Variants in SRRM4 observed in about 807,000 individuals in gnomAD.
SRRM4 encodes serine/arginine repetitive matrix 4.
Under a neutral mutation model 68.9 loss-of-function variants are expected in SRRM4, and 33 were observed. The observed-to-expected ratio is 0.48, with a 90% CI of 0.36 to 0.64. The LOEUF (loss-of-function observed/expected upper bound fraction) is 0.64. SRRM4 is among the 30% of genes least tolerant of loss of function. The pLI, the probability that SRRM4 is intolerant of heterozygous loss-of-function variation, is 0.00. For missense variants in SRRM4, 817 were observed against 827.1 expected, an observed-to-expected ratio of 0.99 and a Z score of 0.15; for synonymous variants, 318 against 318.8, an observed-to-expected ratio of 1.00 and a Z score of 0.03.
chr12:119,000,041 TG>T (rs1180954586), intron 1 of SRRM4, among the ~76,000 whole-genome samples: 1 of 152,214 alleles, frequency 6.6e-6, no homozygotes, highest in East Asian at 1.9e-4. Flanking sequence ...TGACACATGA[TG>T]TTTTGTATTT....
rs147943478 is a variant in SRRM4 at position 119,136,149 on chromosome 12, G to A, written c.771+5315G>A. On this transcript the variant is annotated intron_variant, in intron 8 of 12. Coordinates refer to ENST00000267260, the MANE Select transcript of SRRM4 (RefSeq NM_194286.4). ...AATAAACCCAGATATGATGTTCTCG[G>A]AGTATCTTTAGCCTCAAAAAGCTGA... Among the ~76,000 whole-genome samples the A allele has an allele frequency of 7.6e-3, 1,157 of 152,262 alleles. 7 individuals carry two copies. Among genetic ancestry groups the A allele is most frequent in the Non-Finnish European group, 0.012 (844 of 68,024 alleles).
In SRRM4 at chr12:118,992,443, T is replaced by C. The variant is rs76956716; in HGVS notation, c.131+10430T>C. ...GTGCCTAGCAGAGCAGGTGAGCAGC[T>C]CTGGGTGTTTCTGGAATCAGATTTC... On this transcript the variant is annotated intron_variant, in intron 1 of 12. Coordinates refer to ENST00000267260, the MANE Select transcript of SRRM4 (RefSeq NM_194286.4). Among the ~76,000 whole-genome samples, 1,296 of 152,294 alleles carry C rather than the reference T, an allele frequency of 8.5e-3. 16 individuals are homozygous for C. The highest frequency in any genetic ancestry group is 0.029 in the African/African-American group (1,225 of 41,562).
At position 119,160,354 on chromosome 12, in the gene SRRM4, C is replaced by CT. The variant is rs1196355563; in HGVS notation, c.*3563dup. 1 of 148,892 alleles carries CT rather than the reference C, an allele frequency of 6.7e-6. No individual in the cohort carries two copies. The highest frequency in any genetic ancestry group is 2.2e-4 in the South Asian group (1 of 4,604). The allele number at this position is 148,892 out of a possible 1,614,324, so 9.2% of individuals were successfully genotyped here. A position where few individuals can be genotyped will look rare whatever the true frequency, so the allele number is the denominator to read the frequency against. On this transcript the variant is annotated 3_prime_UTR_variant, in exon 13 of 13. Coordinates refer to ENST00000267260, the MANE Select transcript of SRRM4 (RefSeq NM_194286.4). ...ATTTCTCTACTTTCTTTTACATTTC[C>CT]TTTTTTTCTATCCAAAAACAATGTG... is the stretch of plus-strand genomic sequence containing the variant.
rs1592908314 is a variant in SRRM4 at position 119,125,460 on chromosome 12, C to T, written c.595C>T (p.Pro199Ser). 1 of 1,607,314 alleles carries T rather than the reference C, an allele frequency of 6.2e-7. No individual in the cohort carries two copies. ...PSRSQSSESR[P>S]SSCESRHRGR... ...GCGGTCCCAGAGCTCGGAGTCCCGC[C>T]CCTCAAGCTGTGAGAGCAGGTAACC... The change falls in exon 7 of 13, where the codon CCC becomes TCC. Residue 199 changes from proline to serine, a missense_variant. Transcript: ENST00000267260.
chr12:119,145,747 C>A lies in SRRM4; in HGVS notation c.1076+62C>A, dbSNP rs1274143181. The A allele has an allele frequency of 7.4e-6, 10 of 1,349,044 alleles. No homozygotes were observed. The Admixed American group carries it at 1.9e-4, about 26-fold the overall frequency. The allele number at this position is 1,349,044 out of a possible 1,614,324, so 83.6% of individuals were successfully genotyped here. On this transcript the variant is annotated intron_variant, in intron 9 of 12. Transcript: ENST00000267260. The stretch of plus-strand genomic sequence containing the variant: ...CCCACCTTAGCTCCACCTTCTCATG[C>A]TCTCATCCCAGCCTCCCCCACTCCA...
intron 1 of SRRM4, among the ~76,000 whole-genome samples, chr12:119,019,506 T>A (rs1953501356): frequency 6.6e-6 from 1 of 152,154 alleles, no homozygotes; most frequent in Non-Finnish European, 1.5e-5. Context: ...TTGTTTTAAT[T>A]TTTTGCTCTC....
At chr12:119,060,075 A>G (rs1953801302) in intron 1 of SRRM4, among the ~76,000 whole-genome samples, 1 of 152,072 alleles carries the variant, frequency 6.6e-6, no homozygotes, top group African/African-American at 2.4e-5. Flanking sequence ...GACTTTGTGT[A>G]GATTTAACCC....
At chr12:119,124,331 G>C (rs1017967433) in intron 6 of SRRM4, 2 of 152,246 alleles carry the variant, frequency 1.3e-5, no homozygotes, top group African/African-American at 2.4e-5. Context: ...CAGAGAACTA[G>C]GCAAGGGCTA....
chr12:119,153,561 T>C lies in SRRM4; in HGVS notation c.1303T>C (p.Tyr435His), dbSNP rs1038604427. Residue 435 changes from tyrosine to histidine, a missense_variant, in exon 11 of 13, where the codon TAT (tyrosine) becomes CAT (histidine). Tyr to His is a moderately conservative substitution (Grantham distance 83, BLOSUM62 2). Coordinates refer to ENST00000267260, the MANE Select transcript of SRRM4 (RefSeq NM_194286.4). Reference protein sequence around the residue: ...EKRSYSRSPSYSSKSGKRSPP... With the variant: ...EKRSYSRSPSHSSKSGKRSPP... ...CAGGTCCTACTCCCGCTCTCCCAGC[T>C]ATTCCTCCAAGTCTGGCAAGAGGAG... is the stretch of plus-strand genomic sequence containing the variant. 7.6e-6 allele frequency: 12 copies of C among 1,574,650 alleles called. No homozygotes were observed. The highest frequency in any genetic ancestry group is 9.5e-6 in the Non-Finnish European group (11 of 1,160,730).
chr12:119,102,759 T>G (rs1178411562), intron 2 of SRRM4, among the ~76,000 whole-genome samples: 2 of 152,210 alleles, frequency 1.3e-5, no homozygotes. Flanking sequence ...TATGAGCCAC[T>G]GACTCCCAAA....
intron 6 of SRRM4, among the ~76,000 whole-genome samples, chr12:119,122,758 A>G (rs1954230315): frequency 6.6e-6 from 1 of 152,170 alleles, no homozygotes. Context: ...TTTTGTGCAC[A>G]GGGGTCGTAT....
chr12:119,035,211 A>G (rs959032225), intron 1 of SRRM4, among the ~76,000 whole-genome samples: 5 of 152,100 alleles, frequency 3.3e-5, no homozygotes, highest in African/African-American at 1.2e-4. Flanking sequence ...GTGGGTCACA[A>G]TTTTTTCCCC....
At chr12:119,153,765 G>T (rs927314788) in intron 11 of SRRM4, 116 bp downstream of exon 11, 4 of 714,420 alleles carry the variant, frequency 5.6e-6, no homozygotes, top group Non-Finnish European at 9.4e-6. Context: ...GTCTGACCCT[G>T]ACTCAGCATT....
Position 119,114,103 on chromosome 12 carries a change from C to G in SRRM4, c.279-175C>G, listed in dbSNP as rs1954162053. On this transcript the variant is annotated intron_variant, in intron 2 of 12. Coordinates refer to ENST00000267260, the MANE Select transcript of SRRM4 (RefSeq NM_194286.4). Reference sequence around the variant, plus strand: ...TGTCTCATTAACTCGGCATTAAGTCCTTATTTAGGTACTTAGTCTGAAGTG... The same window carrying G: ...TGTCTCATTAACTCGGCATTAAGTCGTTATTTAGGTACTTAGTCTGAAGTG... The G allele has an allele frequency of 7.7e-6, 4 of 519,212 alleles. No homozygotes were observed. In the South Asian group the frequency reaches 1.2e-4, roughly 15 times the overall value. 32.2% of individuals were successfully genotyped at this position (519,212 alleles called of 1,614,324 possible). A position where few individuals can be genotyped will look rare whatever the true frequency, so the allele number is the denominator to read the frequency against.
At chr12:119,093,055 A>G (rs981446854) in intron 1 of SRRM4, among the ~76,000 whole-genome samples, 2 of 152,124 alleles carry the variant, frequency 1.3e-5, no homozygotes, top group African/African-American at 2.4e-5. Context: ...ATCACTTTCA[A>G]GTCTTTGCTC....
chr12:119,150,055 A>G (rs1319713289), intron 9 of SRRM4, among the ~76,000 whole-genome samples: 1 of 152,128 alleles, frequency 6.6e-6, no homozygotes, highest in Non-Finnish European at 1.5e-5. Context: ...TAAACCAACA[A>G]CAGGTCATCT....
At chr12:119,066,606 C>T (rs1396123277) in intron 1 of SRRM4, among the ~76,000 whole-genome samples, 2 of 152,202 alleles carry the variant, frequency 1.3e-5, no homozygotes, top group Non-Finnish European at 2.9e-5. Context: ...TTCTGATGCA[C>T]ATTCCGGTTT....
In SRRM4 at chr12:119,161,444, A is replaced by T. The variant is rs1367238485; in HGVS notation, c.*4646A>T. 6.6e-6 allele frequency: 1 copy of T among 152,098 alleles called. No individual in the cohort carries two copies. The highest frequency in any genetic ancestry group is 1.5e-5 in the Non-Finnish European group (1 of 68,028). The allele number at this position is 152,098 out of a possible 1,614,324, so 9.4% of individuals were successfully genotyped here. ...CTGACAGAAATGTCATCTCTCTTCTATCTGTGGTTGCTGTTTTTGGAGTAA... is the reference window on the plus strand; with the variant it reads ...CTGACAGAAATGTCATCTCTCTTCTTTCTGTGGTTGCTGTTTTTGGAGTAA... On this transcript the variant is annotated 3_prime_UTR_variant, in exon 13 of 13. Transcript: ENST00000267260.
intron 9 of SRRM4, among the ~76,000 whole-genome samples, chr12:119,149,618 C>T (rs1349996228): frequency 6.6e-6 from 1 of 152,072 alleles, no homozygotes; most frequent in East Asian, 1.9e-4. Context: ...AGGGTGAGGT[C>T]AAGCTAAAGC....
Sources: allele counts gnomAD v4.1 joint callset (sites outside exome capture counted in the v4.1 genomes callset), GRCh38; gene constraint gnomAD v4.1.1; transcripts MANE v1.5; gene names NCBI Gene and HGNC (gene_info 2026-07-23, HGNC 2026-07-21).